The following ATXN1 variants were observed in gnomAD, a reference collection of about 807,000 sequenced individuals.
The protein encoded by ATXN1 is ataxin-1.
ATXN1 carries 8 observed loss-of-function variants against 56.4 expected under a neutral mutation model. The observed-to-expected ratio is 0.14, with a 90% CI of 0.08 to 0.26. The LOEUF is 0.26. Ranked by LOEUF, ATXN1 falls within the 10% of genes least tolerant of loss-of-function variation. The pLI is 1.00. For missense variants in ATXN1, 987 were observed against 1,106.5 expected, an observed-to-expected ratio of 0.89 and a Z score of 1.53; for synonymous variants, 514 against 494.6, an observed-to-expected ratio of 1.04 and a Z score of -0.52.
intron 2 of ATXN1, among the ~76,000 whole-genome samples, chr6:16,679,065 A>C (rs889359047): frequency 2.9e-4 from 44 of 151,922 alleles, no homozygotes; most frequent in African/African-American, 1.0e-3. Flanking sequence ...GAGTGATGGA[A>C]GAAAAGATGG....
chr6:16,422,609 G>A (rs925914675), intron 6 of ATXN1, among the ~76,000 whole-genome samples: 1 of 152,198 alleles, frequency 6.6e-6, no homozygotes, highest in African/African-American at 2.4e-5. Flanking sequence ...AGGGGCAGCA[G>A]TATTAATTGT....
intron 4 of ATXN1, among the ~76,000 whole-genome samples, chr6:16,545,033 C>T (rs937572327): frequency 6.6e-6 from 1 of 152,154 alleles, no homozygotes; most frequent in Non-Finnish European, 1.5e-5. Flanking sequence ...ACAAAGGAGT[C>T]TTCGCAAGGA....
intron 6 of ATXN1, among the ~76,000 whole-genome samples, chr6:16,428,266 TCAC>T (rs1463793785): frequency 6.6e-6 from 1 of 151,780 alleles, no homozygotes; most frequent in African/African-American, 2.4e-5. Flanking sequence ...TTACAGGCGC[TCAC>T]CACCATGCCC....
At chr6:16,365,985 C>G (rs962828457) in intron 6 of ATXN1, among the ~76,000 whole-genome samples, 6 of 152,032 alleles carry the variant, frequency 3.9e-5, no homozygotes, top group Non-Finnish European at 7.4e-5. Context: ...TTTTTTTCTG[C>G]TTACTTCTTT....
chr6:16,374,237 C>A (rs1762103221), intron 6 of ATXN1, among the ~76,000 whole-genome samples: 1 of 151,140 alleles, frequency 6.6e-6, no homozygotes, highest in Admixed American at 6.6e-5. Flanking sequence ...GGGAACAAGA[C>A]CATATTCAGT....
intron 6 of ATXN1, among the ~76,000 whole-genome samples, chr6:16,412,891 G>A (rs140602570): frequency 1.6e-3 from 248 of 152,318 alleles, no homozygotes; most frequent in African/African-American, 5.5e-3. Flanking sequence ...TCCTCTCTTG[G>A]CCATGCCGTG....
intron 4 of ATXN1, among the ~76,000 whole-genome samples, chr6:16,539,783 G>A (rs1033719338): frequency 4.6e-5 from 7 of 152,084 alleles, no homozygotes; most frequent in Non-Finnish European, 8.8e-5. Context: ...TTCTATCACC[G>A]ATCAATACAG....
chr6:16,348,668 C>T (rs1052163519), intron 6 of ATXN1, among the ~76,000 whole-genome samples: 26 of 151,832 alleles, frequency 1.7e-4, no homozygotes, highest in African/African-American at 6.1e-4. Flanking sequence ...GCACTCTAGC[C>T]TGGGCGACAG....
intron 5 of ATXN1, among the ~76,000 whole-genome samples, chr6:16,510,406 C>T (rs965629344): frequency 2.6e-5 from 4 of 152,216 alleles, no homozygotes; most frequent in Admixed American, 2.6e-4. Context: ...ACATAACTTA[C>T]ATAACTCATT....
intron 6 of ATXN1, among the ~76,000 whole-genome samples, chr6:16,400,351 C>T (rs1297562517): frequency 1.3e-5 from 2 of 152,126 alleles, no homozygotes; most frequent in Admixed American, 6.5e-5. Flanking sequence ...AGAGCTCAAC[C>T]TCCCAAGCCC....
At chr6:16,601,995 T>C (rs543239168) in intron 3 of ATXN1, among the ~76,000 whole-genome samples, 1 of 152,196 alleles carries the variant, frequency 6.6e-6, no homozygotes, top group South Asian at 2.1e-4. Flanking sequence ...TCTCAAATCA[T>C]AAATCTTAAA....
At chr6:16,536,816 C>T (rs568101668) in intron 4 of ATXN1, among the ~76,000 whole-genome samples, 5 of 152,330 alleles carry the variant, frequency 3.3e-5, no homozygotes, top group African/African-American at 9.6e-5. Flanking sequence ...CTAGACTCTG[C>T]AGAGCTTTAT....
At chr6:16,732,755 T>C (rs1281545859) in intron 2 of ATXN1, among the ~76,000 whole-genome samples, 2 of 152,372 alleles carry the variant, frequency 1.3e-5, no homozygotes, top group South Asian at 2.1e-4. Flanking sequence ...AAGACTAATA[T>C]ACTTCTACAT....
chr6:16,731,967 C>T (rs991863221), intron 2 of ATXN1, among the ~76,000 whole-genome samples: 1 of 152,104 alleles, frequency 6.6e-6, no homozygotes, highest in African/African-American at 2.4e-5. Flanking sequence ...ATAGCTGTCA[C>T]AGAAAAGTAC....
At chr6:16,418,596 T>A (rs1758964751) in intron 6 of ATXN1, among the ~76,000 whole-genome samples, 1 of 151,914 alleles carries the variant, frequency 6.6e-6, no homozygotes, top group Admixed American at 6.6e-5. Flanking sequence ...TTAGGTTACA[T>A]GTGCACAATG....
chr6:16,707,889 C>T (rs1225288641), intron 2 of ATXN1, among the ~76,000 whole-genome samples: 2 of 151,904 alleles, frequency 1.3e-5, no homozygotes, highest in Non-Finnish European at 2.9e-5. Flanking sequence ...CCGATCTATC[C>T]AAAGGAAGAA....
chr6:16,507,315 G>A (rs1358025244), intron 5 of ATXN1, among the ~76,000 whole-genome samples: 1 of 152,160 alleles, frequency 6.6e-6, no homozygotes, highest in African/African-American at 2.4e-5. Flanking sequence ...ATAAATAAAT[G>A]GATAAATAGA....
intron 2 of ATXN1, among the ~76,000 whole-genome samples, chr6:16,742,534 C>T (rs1144695): frequency 0.46 from 70,074 of 152,034 alleles, 18,698 homozygotes; most frequent in East Asian, 0.85. Context: ...CTTCAGTTTC[C>T]AATGGGAGGC....
chr6:16,714,926 T>C (rs2113460574), intron 2 of ATXN1, among the ~76,000 whole-genome samples: 1 of 152,314 alleles, frequency 6.6e-6, no homozygotes, highest in Non-Finnish European at 1.5e-5. Context: ...CCCTACACTC[T>C]AATTTGTGCC....
Sources: allele counts gnomAD v4.1 joint callset (sites outside exome capture counted in the v4.1 genomes callset), GRCh38; gene constraint gnomAD v4.1.1; transcripts MANE v1.5; gene names NCBI Gene and HGNC (gene_info 2026-07-23, HGNC 2026-07-21).